CACNA1I: variants seen among roughly 807,000 people sequenced by gnomAD.
CACNA1I encodes the protein voltage-dependent T-type calcium channel subunit alpha-1I.
Under a neutral mutation model 201.6 loss-of-function variants are expected in CACNA1I, and 74 were observed. The observed-to-expected ratio is 0.37, with a 90% CI of 0.30 to 0.45. The LOEUF (loss-of-function observed/expected upper bound fraction) is 0.45, where lower values mean the gene tolerates loss of function less well. Ranked by LOEUF, CACNA1I falls within the 20% of genes least tolerant of loss-of-function variation. CACNA1I has a pLI of 1.00. For synonymous variants in CACNA1I, 1,431 were observed against 1,345.2 expected (o/e 1.06, Z -1.40); for missense variants, 2,346 against 3,138.1 (o/e 0.75, Z 6.03).
rs1932898674 is a variant in CACNA1I, at chr22:39,596,500, G to GGGAGCAGGATGGAGAGAGAT, written c.237-1649_237-1648insAGCAGGATGGAGAGAGATGG. On this transcript the variant is annotated intron_variant, in intron 1 of 36. Coordinates refer to ENST00000402142, the MANE Select transcript of CACNA1I (RefSeq NM_021096.4). ...GGGGGAGCAGGATGGAGAGAGATGG[G>GGGAGCAGGATGGAGAGAGAT]GGGCAGGGTGGAGAGAGATGGGGGG... Among the ~76,000 whole-genome samples the GGGAGCAGGATGGAGAGAGAT allele has an allele frequency of 2.1e-5, 2 of 93,890 alleles. 1 individual carries two copies. The highest frequency in any genetic ancestry group is 2.8e-4 in the Admixed American group (2 of 7,112). 61.6% of individuals were successfully genotyped at this position (93,890 alleles called of 152,430 possible).
chr22:39,586,320 C>T (rs2087154479), intron 1 of CACNA1I, among the ~76,000 whole-genome samples: 1 of 151,958 alleles, frequency 6.6e-6, no homozygotes, highest in Admixed American at 6.6e-5. Context: ...AATGAAACCC[C>T]TTCTCTACTA....
At position 39,659,786 on chromosome 22, in the gene CACNA1I, G is replaced by A. The variant is rs1934943222; in HGVS notation, c.2538G>A (p.Met846Ile). The A allele has an allele frequency of 6.2e-7, 1 of 1,613,834 alleles. No homozygotes were observed. The highest frequency in any genetic ancestry group is 8.5e-7 in the Non-Finnish European group (1 of 1,179,892). The change falls in exon 14 of 37, where the codon ATG becomes ATA. Residue 846 changes from methionine (M) to isoleucine (I), a missense_variant. Transcript: ENST00000402142. This position sits in a 1 kb window ranked among gnomAD's most constrained non-coding sequence, Gnocchi z 4.3. ...PWASLYFVAL[M>I]TFGNYVLFNL... ...CCTCCCTCTACTTTGTCGCCCTCAT[G>A]ACCTTCGGCAACTATGTGCTCTTCA...
intron 8 of CACNA1I, 144 bp downstream of exon 8, chr22:39,647,025 C>G: frequency 7.7e-7 from 1 of 1,305,504 alleles, no homozygotes; most frequent in South Asian, 1.6e-5. Context: ...CCCCAGGGAC[C>G]TCTGTCCCCA....
intron 10 of CACNA1I, among the ~76,000 whole-genome samples, chr22:39,654,299 A>T (rs1044333280): frequency 6.6e-6 from 1 of 152,304 alleles, no homozygotes; most frequent in Non-Finnish European, 1.5e-5. Flanking sequence ...GCACACACCC[A>T]TGCAGGCCCT....
chr22:39,683,068 G>A (rs1935751407), intron 35 of CACNA1I, among the ~76,000 whole-genome samples: 1 of 152,178 alleles, frequency 6.6e-6, no homozygotes, highest in Non-Finnish European at 1.5e-5. Context: ...ACACGGGGAT[G>A]TTAAACATAG....
chr22:39,583,153 C>T lies in CACNA1I; in HGVS notation c.236+12165C>T, dbSNP rs13056287. The stretch of plus-strand genomic sequence containing the variant: ...CCATCTCTCCATCCATCCATCCAGC[C>T]ATCCATGCATGCATCCATCTCTCCA... On this transcript the variant is annotated intron_variant, in intron 1 of 36. Transcript: ENST00000402142. Among the ~76,000 whole-genome samples the T allele has an allele frequency of 3.3e-5, 5 of 151,532 alleles. No homozygotes were observed. The East Asian group carries it at 9.9e-4, about 30-fold the overall frequency.
chr22:39,628,240 C>T lies in CACNA1I; in HGVS notation c.581-6325C>T, dbSNP rs184931126. Among the ~76,000 whole-genome samples, 708 of 152,260 alleles carry T rather than the reference C, an allele frequency of 4.6e-3. 20 individuals carry two copies. Among genetic ancestry groups the T allele is most frequent in the Non-Finnish European group, 1.0e-3 (68 of 68,020 alleles). The stretch of plus-strand genomic sequence containing the variant: ...TAAAATCCACCGGGGGTTCTCTGGG[C>T]GAGACCCTGGCCAGATGTGGGGCCA... On this transcript the variant is annotated intron_variant, in intron 4 of 36. Coordinates refer to ENST00000402142, the MANE Select transcript of CACNA1I (RefSeq NM_021096.4).
chr22:39,679,485 G>A, intron 32 of CACNA1I, 40 bp downstream of exon 32: 1 of 1,344,110 alleles, frequency 7.4e-7, no homozygotes, highest in Non-Finnish European at 9.7e-7. Flanking sequence ...CGCCAGAGGG[G>A]GGGCACCGCA....
At chr22:39,577,224 C>CG (rs1932387084) in intron 1 of CACNA1I, among the ~76,000 whole-genome samples, 1 of 152,184 alleles carries the variant, frequency 6.6e-6, no homozygotes, top group South Asian at 2.1e-4. Context: ...TAATAAGAGA[C>CG]GGGGTTTCAC....
At chr22:39,584,683 T>C (rs1601794658) in intron 1 of CACNA1I, among the ~76,000 whole-genome samples, 1 of 152,192 alleles carries the variant, frequency 6.6e-6, no homozygotes, top group Non-Finnish European at 1.5e-5. Context: ...AGAGCAGGGG[T>C]CTGAACCTGG....
At position 39,685,699 on chromosome 22, in the gene CACNA1I, C is replaced by T. The variant is rs1011335673; in HGVS notation, c.6028-62C>T. On this transcript the variant is annotated intron_variant, in intron 36 of 36. Coordinates refer to ENST00000402142, the MANE Select transcript of CACNA1I (RefSeq NM_021096.4). The surrounding 1 kb of genome is among the most constrained non-coding windows in gnomAD (Gnocchi z 5.0). ...CTGCCTGCTGTGCGGGGGAGGGCGG[C>T]GTCCAGGTTGCTGGGGTGGGGGCCG... 2.3e-6 allele frequency: 3 copies of T among 1,324,232 alleles called. No homozygotes were observed. Among genetic ancestry groups the T allele is most frequent in the Non-Finnish European group, 2.0e-6 (2 of 1,022,798 alleles). The allele number at this position is 1,324,232 out of a possible 1,614,324, so 82.0% of individuals were successfully genotyped here. A position where few individuals can be genotyped will look rare whatever the true frequency, so the allele number is the denominator to read the frequency against.
Position 39,666,970 on chromosome 22 carries a change from A to C in CACNA1I, c.4104+964A>C, listed in dbSNP as rs1601516448. Among the ~76,000 whole-genome samples, 1 of 152,224 alleles carries C rather than the reference A, an allele frequency of 6.6e-6. No individual in the cohort carries two copies. Among genetic ancestry groups the C allele is most frequent in the East Asian group, 1.9e-4 (1 of 5,184 alleles). On this transcript the variant is annotated intron_variant, in intron 23 of 36. Coordinates refer to ENST00000402142, the MANE Select transcript of CACNA1I (RefSeq NM_021096.4). The surrounding 1 kb of genome is among the most constrained non-coding windows in gnomAD (Gnocchi z 4.1). ...CCCCTTCACCTATGGGCCCCGCCCCAGTGCCAGCTCCGCCCCTTTGGAGCA... is the reference window on the plus strand; with the variant it reads ...CCCCTTCACCTATGGGCCCCGCCCCCGTGCCAGCTCCGCCCCTTTGGAGCA...
chr22:39,615,076 G>A (rs1321514381), intron 3 of CACNA1I, among the ~76,000 whole-genome samples: 7 of 152,194 alleles, frequency 4.6e-5, no homozygotes, highest in African/African-American at 1.2e-4. Context: ...CCCACAAGGC[G>A]GCCCTTCCTT....
chr22:39,598,338 C>A, intron 2 of CACNA1I, 76 bp downstream of exon 2: 1 of 727,396 alleles, frequency 1.4e-6, no homozygotes, highest in Non-Finnish European at 2.3e-6. Flanking sequence ...CCACTCCACA[C>A]CCCCGCCCCA....
intron 3 of CACNA1I, among the ~76,000 whole-genome samples, chr22:39,612,244 G>GA (rs1221756866): frequency 6.6e-6 from 1 of 152,212 alleles, no homozygotes; most frequent in African/African-American, 2.4e-5. Flanking sequence ...GACACAGCAA[G>GA]AAAGTCCTCG....
At position 39,620,046 on chromosome 22, in the gene CACNA1I, TCCA is replaced by T. The variant is rs1569065420; in HGVS notation, c.580+640_580+642del. 1.4e-4 allele frequency among the ~76,000 whole-genome samples: 19 copies of T among 139,464 alleles called. 3 individuals are homozygous for T. The highest frequency in any genetic ancestry group is 4.3e-4 in the Admixed American group (6 of 13,940). The allele number at this position is 139,464 out of a possible 152,430, so 91.5% of individuals were successfully genotyped here. ...ATCCATCCATCCATCCATCCATCCA[TCCA>T]TCCACCCACCCACCCATCCACCCAC... On this transcript the variant is annotated intron_variant, in intron 4 of 36. Transcript: ENST00000402142.
intron 1 of CACNA1I, among the ~76,000 whole-genome samples, chr22:39,587,420 T>C (rs1932767126): frequency 6.6e-6 from 1 of 152,202 alleles, no homozygotes; most frequent in South Asian, 2.1e-4. Context: ...GGCAGGTCTC[T>C]TCATTTTATG....
At position 39,656,315 on chromosome 22, in the gene CACNA1I, G is replaced by T. The variant is rs774540280; in HGVS notation, c.1993-1837G>T. 2.1e-4 allele frequency: 101 copies of T among 482,134 alleles called. No homozygotes were observed. The Admixed American group carries it at 2.2e-3, about 10-fold the overall frequency. The allele number at this position is 482,134 out of a possible 1,614,324, so 29.9% of individuals were successfully genotyped here. A position where few individuals can be genotyped will look rare whatever the true frequency, so the allele number is the denominator to read the frequency against. ...TGCTGATGGAGGGGCTCCTGCTCTCGGTCCTCTGCTCTCCCACCTCCCAGC... is the reference window on the plus strand; with the variant it reads ...TGCTGATGGAGGGGCTCCTGCTCTCTGTCCTCTGCTCTCCCACCTCCCAGC... On this transcript the variant is annotated intron_variant, in intron 10 of 36. Transcript: ENST00000402142.
At chr22:39,617,117 C>T (rs998364981) in intron 3 of CACNA1I, among the ~76,000 whole-genome samples, 2 of 152,190 alleles carry the variant, frequency 1.3e-5, no homozygotes, top group African/African-American at 2.4e-5. Context: ...TGGGTTCCCA[C>T]AGGTAAAGAG....
Sources: allele counts gnomAD v4.1 joint callset (sites outside exome capture counted in the v4.1 genomes callset), GRCh38; gene constraint gnomAD v4.1.1; non-coding constraint Gnocchi (gnomAD v3.1); transcripts MANE v1.5; gene names NCBI Gene and HGNC (gene_info 2026-07-23, HGNC 2026-07-21).